C1orf74: variants seen among roughly 807,000 people sequenced by gnomAD.
C1orf74 encodes the protein UPF0739 protein C1orf74.
C1orf74 carries 5 observed loss-of-function variants against 7.3 expected under a neutral mutation model. That is an observed-to-expected ratio of 0.68 (90% CI 0.36 to 1.44). The LOEUF (loss-of-function observed/expected upper bound fraction) is 1.44. Among genes scored for constraint, C1orf74 ranks in the 40% most tolerant of loss-of-function variants. The pLI, the probability that C1orf74 is intolerant of heterozygous loss-of-function variation, is 0.04. For synonymous variants in C1orf74, 121 were observed against 132.5 expected (o/e 0.91, Z 0.59); for missense variants, 291 against 314.3 (o/e 0.93, Z 0.56).
In C1orf74 at chr1:209,780,852, C is replaced by A; in HGVS notation, c.*1973G>T. On this transcript the variant is annotated 3_prime_UTR_variant, in exon 2 of 2. Transcript: ENST00000294811. ...TTTAGAAAGTCGACCAAAACTCAAACACATTTAATAAAAATATTAACTTCT... is the reference window on the plus strand; with the variant it reads ...TTTAGAAAGTCGACCAAAACTCAAAAACATTTAATAAAAATATTAACTTCT... 3.7e-6 allele frequency: 1 copy of A among 267,980 alleles called. No individual in the cohort carries two copies. The allele number at this position is 267,980 out of a possible 1,614,324, so 16.6% of individuals were successfully genotyped here.
chr1:209,782,307 C>T lies in C1orf74; in HGVS notation c.*518G>A, dbSNP rs1246100356. ...CTACTGTAAATAAACTTCACCTGACCAGATTGTTCCTCAGAACTCTCAGTT... is the reference window on the plus strand; with the variant it reads ...CTACTGTAAATAAACTTCACCTGACTAGATTGTTCCTCAGAACTCTCAGTT... On this transcript the variant is annotated 3_prime_UTR_variant, in exon 2 of 2. Coordinates refer to ENST00000294811, the MANE Select transcript of C1orf74 (RefSeq NM_152485.4). 3.3e-6 allele frequency: 2 copies of T among 613,570 alleles called. No homozygotes were observed. The highest frequency in any genetic ancestry group is 5.6e-5 in the East Asian group (2 of 35,526). 38.0% of individuals were successfully genotyped at this position (613,570 alleles called of 1,614,324 possible).
chr1:209,782,726 T>C lies in C1orf74; in HGVS notation c.*99A>G. On this transcript the variant is annotated 3_prime_UTR_variant, in exon 2 of 2. Transcript: ENST00000294811. ...TCTACAGCATTGTGCCTTAGTGTAT[T>C]CAAGACACTTGGAATTGGCAGTTGA... 1 of 1,257,006 alleles carries C rather than the reference T, an allele frequency of 8.0e-7. No individual in the cohort carries two copies. The highest frequency in any genetic ancestry group is 1.1e-6 in the Non-Finnish European group (1 of 893,368). The allele number at this position is 1,257,006 out of a possible 1,614,324, so 77.9% of individuals were successfully genotyped here. A position where few individuals can be genotyped will look rare whatever the true frequency, so the allele number is the denominator to read the frequency against.
At chr1:209,783,910 G>T (rs1422499304) in intron 1 of C1orf74, among the ~76,000 whole-genome samples, 1 of 152,098 alleles carries the variant, frequency 6.6e-6, no homozygotes, top group Non-Finnish European at 1.5e-5. Context: ...CTTATAGCTA[G>T]ATTTATATTC....
Position 209,781,571 on chromosome 1 carries a change from C to A in C1orf74, c.*1254G>T. On this transcript the variant is annotated 3_prime_UTR_variant, in exon 2 of 2. Transcript: ENST00000294811. Reference sequence around the variant, plus strand: ...ACGCCAACAACTGGCCATCCTGTCCCACTGTGCTTGGTTTATACTATACTG... The same window carrying A: ...ACGCCAACAACTGGCCATCCTGTCCAACTGTGCTTGGTTTATACTATACTG... The A allele has an allele frequency of 1.4e-6, 1 of 733,578 alleles. No individual in the cohort carries two copies. The highest frequency in any genetic ancestry group is 2.4e-6 in the Non-Finnish European group (1 of 420,318). 45.4% of individuals were successfully genotyped at this position (733,578 alleles called of 1,614,324 possible). A position where few individuals can be genotyped will look rare whatever the true frequency, so the allele number is the denominator to read the frequency against.
rs756943217 is a variant in C1orf74 at position 209,780,538 on chromosome 1, G to C, written c.*2287C>G. The C allele has an allele frequency of 7.5e-6, 12 of 1,603,590 alleles. No homozygotes were observed. The highest frequency in any genetic ancestry group is 3.8e-4 in the Middle Eastern group (2 of 5,292). ...AGTGGAGCCTGAGGGTACAGGGAAG[G>C]AGAAAGACTGGGATCTCAGAGACCA... On this transcript the variant is annotated 3_prime_UTR_variant, in exon 2 of 2. Transcript: ENST00000294811.
Position 209,783,631 on chromosome 1 carries a change from A to C in C1orf74, c.4T>G (p.Leu2Val). The change falls in exon 2 of 2, where the codon TTG becomes GTG. Residue 2 changes from leucine (L) to valine (V), a missense_variant. Leu to Val is a conservative substitution (Grantham distance 32, BLOSUM62 1). Transcript: ENST00000294811. Reference protein sequence around the residue: MLLLDLMSSPSP... With the variant: MVLLDLMSSPSP... The stretch of plus-strand genomic sequence containing the variant: ...GGTGATGACATGAGATCTAGAAGCA[A>C]CATCAAGAATGGCCTCCTTAGCTAG... 6.3e-7 allele frequency: 1 copy of C among 1,576,886 alleles called. No individual in the cohort carries two copies. Among genetic ancestry groups the C allele is most frequent in the Non-Finnish European group, 8.6e-7 (1 of 1,161,636 alleles).
Position 209,783,351 on chromosome 1 carries a change from ACAAT to A in C1orf74, c.280_283del (p.Ile94SerfsTer18). On this transcript the variant is annotated frameshift_variant, in exon 2 of 2. Coordinates refer to ENST00000294811, the MANE Select transcript of C1orf74 (RefSeq NM_152485.4). LOFTEE classifies it low-confidence loss of function (END_TRUNC). ...GTGCTGACATACATGCTCAGGACTG[ACAAT>A]CAGGCTGTTTTCTCCAATCTCAAGG... The A allele has an allele frequency of 6.2e-7, 1 of 1,614,196 alleles. No homozygotes were observed. Among genetic ancestry groups the A allele is most frequent in the Non-Finnish European group, 8.5e-7 (1 of 1,180,028 alleles).
intron 1 of C1orf74, 101 bp from the exon 2 acceptor site, chr1:209,783,810 C>T (rs2077814596): frequency 1.7e-6 from 1 of 571,836 alleles, no homozygotes. Context: ...AAATGGCGAC[C>T]CAGCCCAGAC....
rs371203599 is a variant in C1orf74 at position 209,780,511 on chromosome 1, G to A, written c.*2314C>T. 50 of 1,601,346 alleles carry A rather than the reference G, an allele frequency of 3.1e-5. 2 individuals carry two copies. In the South Asian group the frequency reaches 4.1e-4, roughly 13 times the overall value. ...GTGGAGTCCAAAGTCCTTCCCTAAC[G>A]AAGTGGAGCCTGAGGGTACAGGGAA... On this transcript the variant is annotated 3_prime_UTR_variant, in exon 2 of 2. Coordinates refer to ENST00000294811, the MANE Select transcript of C1orf74 (RefSeq NM_152485.4).
chr1:209,780,628 G>A lies in C1orf74; in HGVS notation c.*2197C>T, dbSNP rs753307724. On this transcript the variant is annotated 3_prime_UTR_variant, in exon 2 of 2. Coordinates refer to ENST00000294811, the MANE Select transcript of C1orf74 (RefSeq NM_152485.4). Reference sequence around the variant, plus strand: ...GGAGGTGAGAGGGTGACCTGAGATAGTGAGGGCTCATTTGCGAAATAGCAG... The same window carrying A: ...GGAGGTGAGAGGGTGACCTGAGATAATGAGGGCTCATTTGCGAAATAGCAG... 1 of 1,526,870 alleles carries A rather than the reference G, an allele frequency of 6.5e-7. No individual in the cohort carries two copies. The highest frequency in any genetic ancestry group is 8.8e-7 in the Non-Finnish European group (1 of 1,130,064). The allele number at this position is 1,526,870 out of a possible 1,614,324, so 94.6% of individuals were successfully genotyped here.
chr1:209,783,556 T>C lies in C1orf74; in HGVS notation c.79A>G (p.Lys27Glu). 1 of 1,614,048 alleles carries C rather than the reference T, an allele frequency of 6.2e-7. No homozygotes were observed. The highest frequency in any genetic ancestry group is 1.1e-5 in the South Asian group (1 of 91,074). Reference sequence around the variant, plus strand: ...ATGGCTTGGGGTGGACTCCGTCTCTTTCCCATGCCAAGGGTCTGCTGAGCA... The same window carrying C: ...ATGGCTTGGGGTGGACTCCGTCTCTCTCCCATGCCAAGGGTCTGCTGAGCA... ...AAAQQTLGMG[K>E]RRSPPQAICL... The change falls in exon 2 of 2, where the codon AAG (lysine) becomes GAG (glutamate). Residue 27 changes from lysine to glutamate, a missense_variant. Coordinates refer to ENST00000294811, the MANE Select transcript of C1orf74 (RefSeq NM_152485.4).
Position 209,782,694 on chromosome 1 carries a change from CA to C in C1orf74, c.*130del, listed in dbSNP as rs2077803505. The C allele has an allele frequency of 1.0e-6, 1 of 971,538 alleles. No homozygotes were observed. Among genetic ancestry groups the C allele is most frequent in the Admixed American group, 2.3e-5 (1 of 44,174 alleles). 60.2% of individuals were successfully genotyped at this position (971,538 alleles called of 1,614,324 possible). A position where few individuals can be genotyped will look rare whatever the true frequency, so the allele number is the denominator to read the frequency against. On this transcript the variant is annotated 3_prime_UTR_variant, in exon 2 of 2. Transcript: ENST00000294811. ...TTTACATGCCCTTTGCATTTGTGGC[CA>C]ACTGATCTACAGCATTGTGCCTTAG... is the stretch of plus-strand genomic sequence containing the variant.
rs1050901130 is a variant in C1orf74 at position 209,783,413 on chromosome 1, C to T, written c.222G>A (p.Lys74=). ...GTCCAAAAGTCAGGAAGCCAAGCCC[C>T]TTCAGCTCCTCCAGATAGCTCTGGA... ...SELQSYLEEL[K]GLGFLTFGLH... Residue 74 remains lysine (K), a synonymous_variant, in exon 2 of 2, where the codon AAG becomes AAA. Transcript: ENST00000294811. 6.2e-7 allele frequency: 1 copy of T among 1,614,208 alleles called. No individual in the cohort carries two copies. The highest frequency in any genetic ancestry group is 1.7e-5 in the Admixed American group (1 of 60,038).
Position 209,783,010 on chromosome 1 carries a change from A to G in C1orf74, c.625T>C (p.Trp209Arg), listed in dbSNP as rs773221700. 1.9e-6 allele frequency: 3 copies of G among 1,614,102 alleles called. No homozygotes were observed. Among genetic ancestry groups the G allele is most frequent in the East Asian group, 2.2e-5 (1 of 44,900 alleles). ...PLRVFTARIS[W>R]LLGQPPILLY... ...AGGATTGGGGGTTGACCTAGCAACC[A>G]TGAGATCCGGGCAGTGAATACTCGT... The change falls in exon 2 of 2, where the codon TGG (tryptophan) becomes CGG (arginine). Residue 209 changes from tryptophan to arginine, a missense_variant. Trp to Arg is a moderately radical substitution (Grantham distance 101). Transcript: ENST00000294811.
chr1:209,782,866 T>G lies in C1orf74; in HGVS notation c.769A>C (p.Ile257Leu). 1 of 1,614,070 alleles carries G rather than the reference T, an allele frequency of 6.2e-7. No individual in the cohort carries two copies. The highest frequency in any genetic ancestry group is 1.3e-5 in the African/African-American group (1 of 75,024). The change falls in exon 2 of 2, where the codon ATC (isoleucine) becomes CTC (leucine). Residue 257 changes from isoleucine (I) to leucine (L), a missense_variant. Ile to Leu is a conservative substitution (Grantham distance 5). Transcript: ENST00000294811. ...GGCAGTGTGACTATCTCAGAGGAGA[T>G]GCTGAGATCAGCAAAGTCATTCTGA... is the stretch of plus-strand genomic sequence containing the variant. ...RTQNDFADLS[I>L]SSEIVTLPAV...
Position 209,782,738 on chromosome 1 carries a change from G to C in C1orf74, c.*87C>G. The C allele has an allele frequency of 7.4e-7, 1 of 1,343,378 alleles. No individual in the cohort carries two copies. Among genetic ancestry groups the C allele is most frequent in the Non-Finnish European group, 1.0e-6 (1 of 968,498 alleles). 83.2% of individuals were successfully genotyped at this position (1,343,378 alleles called of 1,614,324 possible). A position where few individuals can be genotyped will look rare whatever the true frequency, so the allele number is the denominator to read the frequency against. ...TGCCTTAGTGTATTCAAGACACTTG[G>C]AATTGGCAGTTGAGATGATTATTTG... On this transcript the variant is annotated 3_prime_UTR_variant, in exon 2 of 2. Coordinates refer to ENST00000294811, the MANE Select transcript of C1orf74 (RefSeq NM_152485.4).
chr1:209,780,663 G>A lies in C1orf74; in HGVS notation c.*2162C>T. 4 of 1,429,730 alleles carry A rather than the reference G, an allele frequency of 2.8e-6. No individual in the cohort carries two copies. The highest frequency in any genetic ancestry group is 1.5e-5 in the African/African-American group (1 of 68,720). 88.6% of individuals were successfully genotyped at this position (1,429,730 alleles called of 1,614,324 possible). A position where few individuals can be genotyped will look rare whatever the true frequency, so the allele number is the denominator to read the frequency against. On this transcript the variant is annotated 3_prime_UTR_variant, in exon 2 of 2. Coordinates refer to ENST00000294811, the MANE Select transcript of C1orf74 (RefSeq NM_152485.4). ...ATTTGCGAAATAGCAGAGAAACCTGGGAGGCAGTCAAAAAGCAGGGATTTC... is the reference window on the plus strand; with the variant it reads ...ATTTGCGAAATAGCAGAGAAACCTGAGAGGCAGTCAAAAAGCAGGGATTTC...
rs1175423797 is a variant in C1orf74, at chr1:209,782,769, C to A, written c.*56G>T. ...GCAGTTGAGATGATTATTTGCCATCCCCAACCTAGAGATGATCATTTACTG... is the reference window on the plus strand; with the variant it reads ...GCAGTTGAGATGATTATTTGCCATCACCAACCTAGAGATGATCATTTACTG... On this transcript the variant is annotated 3_prime_UTR_variant, in exon 2 of 2. Coordinates refer to ENST00000294811, the MANE Select transcript of C1orf74 (RefSeq NM_152485.4). 2.0e-6 allele frequency: 3 copies of A among 1,529,308 alleles called. No individual in the cohort carries two copies. In the African/African-American group the frequency reaches 4.1e-5, roughly 21 times the overall value. The allele number at this position is 1,529,308 out of a possible 1,614,324, so 94.7% of individuals were successfully genotyped here.
chr1:209,781,086 T>C lies in C1orf74; in HGVS notation c.*1739A>G, dbSNP rs2077768602. 1 of 239,628 alleles carries C rather than the reference T, an allele frequency of 4.2e-6. No homozygotes were observed. 14.8% of individuals were successfully genotyped at this position (239,628 alleles called of 1,614,324 possible). ...TCGGTGTCTCTCATTTGCAAAGCAC[T>C]TGCACGTAAAGTCATATAAAAGAAC... On this transcript the variant is annotated 3_prime_UTR_variant, in exon 2 of 2. Coordinates refer to ENST00000294811, the MANE Select transcript of C1orf74 (RefSeq NM_152485.4).
Sources: allele counts gnomAD v4.1 joint callset (sites outside exome capture counted in the v4.1 genomes callset), GRCh38; gene constraint gnomAD v4.1.1; transcripts MANE v1.5; gene names NCBI Gene and HGNC (gene_info 2026-07-23, HGNC 2026-07-21).